The following CDK5RAP2 variants were observed in gnomAD, a reference collection of about 807,000 sequenced individuals.
The protein encoded by CDK5RAP2 is CDK5 regulatory subunit-associated protein 2.
Under a neutral mutation model 232.9 loss-of-function variants are expected in CDK5RAP2, and 147 were observed. The observed-to-expected ratio is 0.63, with a 90% CI of 0.55 to 0.72. The LOEUF is 0.72. Among genes scored for constraint, CDK5RAP2 ranks in the 30% least tolerant of loss-of-function variants. CDK5RAP2 has a pLI of 0.00. For synonymous variants in CDK5RAP2, 833 were observed against 833.7 expected, an observed-to-expected ratio of 1.00 and a Z score of 0.01; for missense variants, 2,195 against 2,231.5, an observed-to-expected ratio of 0.98 and a Z score of 0.33.
intron 3 of CDK5RAP2, among the ~76,000 whole-genome samples, chr9:120,564,768 T>G (rs1192093670): frequency 6.6e-6 from 1 of 152,174 alleles, no homozygotes; most frequent in African/African-American, 2.4e-5. Flanking sequence ...TTCACAAAGA[T>G]AGCTACTTGG....
chr9:120,424,006 C>A (rs1268560964), intron 25 of CDK5RAP2, among the ~76,000 whole-genome samples: 2 of 152,210 alleles, frequency 1.3e-5, no homozygotes, highest in East Asian at 1.9e-4. Flanking sequence ...GGCACTGTCA[C>A]CATCAGAAAT....
In CDK5RAP2 at chr9:120,422,746, A is replaced by G. The variant is rs56238001; in HGVS notation, c.3956-5T>C. On this transcript the variant is annotated splice_polypyrimidine_tract_variant and splice_region_variant and intron_variant, in intron 25 of 37. Transcript: ENST00000349780. The stretch of plus-strand genomic sequence containing the variant: ...TTTCCACTCCAACTGATTTTCCTGG[A>G]AGCAGAAATAACATCAAGAAAGGAG... 2.5e-5 allele frequency: 40 copies of G among 1,610,272 alleles called. No homozygotes were observed. Among genetic ancestry groups the G allele is most frequent in the Non-Finnish European group, 3.3e-5 (39 of 1,176,548 alleles).
intron 4 of CDK5RAP2, among the ~76,000 whole-genome samples, chr9:120,548,120 C>A (rs1197267421): frequency 6.6e-6 from 1 of 152,162 alleles, no homozygotes; most frequent in Admixed American, 6.5e-5. Context: ...TGTCAAACAA[C>A]AAGAATTAAA....
At position 120,556,237 on chromosome 9, in the gene CDK5RAP2, A is replaced by G. The variant is rs75854372; in HGVS notation, c.196-5335T>C. Among the ~76,000 whole-genome samples, 1,328 of 152,300 alleles carry G rather than the reference A, an allele frequency of 8.7e-3. 20 individuals are homozygous for G. Among genetic ancestry groups the G allele is most frequent in the African/African-American group, 0.03 (1,239 of 41,554 alleles). On this transcript the variant is annotated intron_variant, in intron 3 of 37. Coordinates refer to ENST00000349780, the MANE Select transcript of CDK5RAP2 (RefSeq NM_018249.6). ...TGTCAGAGTTCATCCAACACCTAAA[A>G]TTGGTGCATTTTATTTTATGTAAAT...
At chr9:120,415,207 A>G (rs1413695142) in intron 27 of CDK5RAP2, 48 bp from the exon 28 acceptor site, 1 of 1,602,434 alleles carries the variant, frequency 6.2e-7, no homozygotes, top group South Asian at 1.1e-5. Context: ...CCCCCAACAA[A>G]TTGAATAATT....
intron 36 of CDK5RAP2, among the ~76,000 whole-genome samples, chr9:120,391,696 A>G (rs1333352858): frequency 1.3e-5 from 2 of 152,188 alleles, no homozygotes; most frequent in Non-Finnish European, 2.9e-5. Context: ...TTTCCCCTGT[A>G]GACTCTGAGA....
intron 25 of CDK5RAP2, among the ~76,000 whole-genome samples, chr9:120,431,168 C>A (rs150675529): frequency 6.6e-6 from 1 of 151,996 alleles, no homozygotes; most frequent in African/African-American, 2.4e-5. Flanking sequence ...TGCTAAATGA[C>A]GAGTTAATGG....
chr9:120,505,196 GTC>G (rs1479644285), intron 12 of CDK5RAP2, among the ~76,000 whole-genome samples: 2 of 152,082 alleles, frequency 1.3e-5, no homozygotes, highest in Non-Finnish European at 2.9e-5. Flanking sequence ...TTCATTTCGT[GTC>G]TCTGTGTCGC....
intron 27 of CDK5RAP2, among the ~76,000 whole-genome samples, chr9:120,419,313 C>T (rs1036846127): frequency 6.6e-6 from 1 of 152,178 alleles, no homozygotes; most frequent in African/African-American, 2.4e-5. Flanking sequence ...AAAGGCCTGA[C>T]CCAATGGGCC....
chr9:120,439,587 T>A lies in CDK5RAP2; in HGVS notation c.3534A>T (p.Arg1178=). 1 of 1,614,220 alleles carries A rather than the reference T, an allele frequency of 6.2e-7. No homozygotes were observed. The highest frequency in any genetic ancestry group is 8.5e-7 in the Non-Finnish European group (1 of 1,180,034). ...CGAGGATTTTCACGTGTTTCACGTA[T>A]CGCACTTGGTGCAAACTTGAAAAGG... is the stretch of plus-strand genomic sequence containing the variant. ...EMTFSSLHQV[R]YVKHVKILGP... Residue 1178 remains arginine (R), a synonymous_variant, in exon 24 of 38, where the codon CGA becomes CGT. Transcript: ENST00000349780.
In CDK5RAP2 at chr9:120,575,945, A is replaced by G. The variant is rs184991351; in HGVS notation, c.60-3904T>C. 4.6e-5 allele frequency among the ~76,000 whole-genome samples: 7 copies of G among 152,320 alleles called. No individual in the cohort carries two copies. The East Asian group carries it at 1.4e-3, about 29-fold the overall frequency. ...GCCTCAAAGTTTTCAACTCCTACAA[A>G]GCTTTCTACAGCAGTGTTCTTCAAA... On this transcript the variant is annotated intron_variant, in intron 1 of 37. Coordinates refer to ENST00000349780, the MANE Select transcript of CDK5RAP2 (RefSeq NM_018249.6).
intron 32 of CDK5RAP2, 120 bp from the exon 33 acceptor site, chr9:120,404,233 T>C: frequency 2.7e-6 from 2 of 733,062 alleles, no homozygotes; most frequent in East Asian, 5.4e-5. Context: ...CAGCATTCCT[T>C]CAAATCTTCA....
chr9:120,390,472 C>T (rs1165324122), intron 36 of CDK5RAP2, among the ~76,000 whole-genome samples: 2 of 152,174 alleles, frequency 1.3e-5, no homozygotes, highest in Non-Finnish European at 2.9e-5. Flanking sequence ...CACTGACGCC[C>T]GGAGCACTGT....
chr9:120,496,543 C>A (rs2039257706), intron 12 of CDK5RAP2, among the ~76,000 whole-genome samples: 19 of 149,584 alleles, frequency 1.3e-4, no homozygotes, highest in African/African-American at 4.7e-4. Flanking sequence ...GCCAGCCGCC[C>A]CGTCCGGGAG....
chr9:120,476,220 G>GA (rs886584108), intron 15 of CDK5RAP2, among the ~76,000 whole-genome samples: 239 of 138,238 alleles, frequency 1.7e-3, no homozygotes, highest in Middle Eastern at 3.7e-3. Flanking sequence ...TATACAAAAG[G>GA]AAAAAAAAAA....
chr9:120,442,210 T>C (rs777275587), intron 23 of CDK5RAP2, among the ~76,000 whole-genome samples: 1 of 152,122 alleles, frequency 6.6e-6, no homozygotes, highest in Non-Finnish European at 1.5e-5. Flanking sequence ...GGGTTCAGGG[T>C]AGGTAAGCAG....
intron 18 of CDK5RAP2, among the ~76,000 whole-genome samples, chr9:120,466,145 G>A (rs2037367990): frequency 6.6e-6 from 1 of 152,094 alleles, no homozygotes; most frequent in Non-Finnish European, 1.5e-5. Context: ...GTCTCCTACA[G>A]AACAGGAATC....
At chr9:120,570,829 A>T (rs141793927) in intron 2 of CDK5RAP2, among the ~76,000 whole-genome samples, 11 of 151,600 alleles carry the variant, frequency 7.3e-5, no homozygotes, top group African/African-American at 2.7e-4. Flanking sequence ...ACAGAGCGAG[A>T]CTCCATCTCA....
chr9:120,413,070 A>G (rs570951142), intron 28 of CDK5RAP2, among the ~76,000 whole-genome samples: 1 of 152,360 alleles, frequency 6.6e-6, no homozygotes, highest in East Asian at 1.9e-4. Context: ...TACTAAAACA[A>G]TTAATGATAG....
Sources: gnomAD v4.1 joint callset for allele counts (sites outside exome capture counted in the v4.1 genomes callset) on GRCh38, gnomAD v4.1.1 for gene constraint, MANE v1.5 for transcripts, NCBI Gene and HGNC (gene_info 2026-07-23, HGNC 2026-07-21) for gene names.